Variants in NKAIN3 observed in about 807,000 individuals in gnomAD.
NKAIN3 encodes sodium/potassium-transporting ATPase subunit beta-1-interacting protein 3.
In NKAIN3, 25 loss-of-function variants were observed where a neutral mutation model predicts 30.2. The ratio of observed to expected loss-of-function variants is 0.83; its 90% CI spans 0.60 to 1.16. The LOEUF (loss-of-function observed/expected upper bound fraction) is 1.16, where lower values mean the gene tolerates loss of function less well. NKAIN3 is among the 50% of genes most tolerant of loss of function. NKAIN3 has a pLI of 0.00. For missense variants in NKAIN3, 225 were observed against 254.1 expected, an observed-to-expected ratio of 0.89 and a Z score of 0.78; for synonymous variants, 91 against 89.6, an observed-to-expected ratio of 1.02 and a Z score of -0.09.
intron 4 of NKAIN3, among the ~76,000 whole-genome samples, chr8:62,774,574 T>G (rs1462405268): frequency 1.3e-5 from 2 of 152,196 alleles, no homozygotes; most frequent in Non-Finnish European, 2.9e-5. Flanking sequence ...TGTTGTGATA[T>G]GTTCCTTCTT....
At chr8:62,729,813 G>C (rs1227016684) in intron 3 of NKAIN3, among the ~76,000 whole-genome samples, 1 of 152,170 alleles carries the variant, frequency 6.6e-6, no homozygotes, top group Non-Finnish European at 1.5e-5. Context: ...TAGACATTTA[G>C]ATGGCTTCCA....
rs1355817135 is a variant in NKAIN3, at chr8:62,700,812, G to T, written c.274-46120G>T. 2.0e-5 allele frequency among the ~76,000 whole-genome samples: 3 copies of T among 152,136 alleles called. No individual in the cohort carries two copies. In the East Asian group the frequency reaches 5.8e-4, roughly 29 times the overall value. On this transcript the variant is annotated intron_variant, in intron 3 of 6. Transcript: ENST00000623646. ...ATAGTTTGAAGAAGTTAGACCTTTT[G>T]TTTTATGCAAAATAAATTATCATCA...
chr8:62,308,703 G>A (rs1814333321), intron 1 of NKAIN3, among the ~76,000 whole-genome samples: 1 of 150,472 alleles, frequency 6.6e-6, no homozygotes, highest in South Asian at 2.1e-4. Flanking sequence ...CAAGAGTCAT[G>A]ACATTCAAAG....
Position 62,969,044 on chromosome 8 carries a change from T to C in NKAIN3, c.*3637T>C, listed in dbSNP as rs535426863. ...TTCCACCTACCACATAAAGTGAGGG[T>C]ATGTGTCCCTCAAATGAGAAAAATG... On this transcript the variant is annotated 3_prime_UTR_variant, in exon 7 of 7. Coordinates refer to ENST00000623646, the MANE Select transcript of NKAIN3 (RefSeq NM_001304533.3). Among the ~76,000 whole-genome samples, 34 of 152,286 alleles carry C rather than the reference T, an allele frequency of 2.2e-4. No homozygotes were observed. Among genetic ancestry groups the C allele is most frequent in the African/African-American group, 7.5e-4 (31 of 41,562 alleles).
chr8:62,571,690 G>T (rs1162676020), intron 1 of NKAIN3, among the ~76,000 whole-genome samples: 1 of 152,110 alleles, frequency 6.6e-6, no homozygotes, highest in Non-Finnish European at 1.5e-5. Context: ...TCCAGACAGA[G>T]GTTCCCAAAG....
rs1250725683 is a variant in NKAIN3 at position 62,936,683 on chromosome 8, CT to C, written c.533-17216del. Among the ~76,000 whole-genome samples, 4 of 152,204 alleles carry C rather than the reference CT, an allele frequency of 2.6e-5. No individual in the cohort carries two copies. The South Asian group carries it at 8.3e-4, about 32-fold the overall frequency. On this transcript the variant is annotated intron_variant, in intron 5 of 6. Coordinates refer to ENST00000623646, the MANE Select transcript of NKAIN3 (RefSeq NM_001304533.3). ...TCCATCTTTAATGTCCCTAAACAAA[CT>C]TTAGTAGTTACAATTTTAAACCATT...
chr8:62,429,138 T>C (rs932408965), intron 1 of NKAIN3, among the ~76,000 whole-genome samples: 23 of 151,898 alleles, frequency 1.5e-4, no homozygotes, highest in Admixed American at 1.1e-3. Context: ...TAGCTGGCTG[T>C]AAATGTCTAA....
chr8:62,633,786 G>A (rs1461880839), intron 3 of NKAIN3, among the ~76,000 whole-genome samples: 2 of 152,114 alleles, frequency 1.3e-5, no homozygotes, highest in Non-Finnish European at 2.9e-5. Flanking sequence ...AGAAACCCCT[G>A]AGGCCTTTGC....
chr8:62,997,422 T>G (rs1804142899), intron 5 of NKAIN3, among the ~76,000 whole-genome samples: 1 of 151,808 alleles, frequency 6.6e-6, no homozygotes, highest in Middle Eastern at 3.4e-3. Flanking sequence ...AAATGTTGGG[T>G]TTGTTTTAAT....
intron 4 of NKAIN3, among the ~76,000 whole-genome samples, chr8:62,835,389 A>G (rs770875054): frequency 2.6e-5 from 4 of 152,182 alleles, no homozygotes; most frequent in Admixed American, 6.6e-5. Flanking sequence ...CAGACAACCT[A>G]CAGAGCGGGA....
intron 4 of NKAIN3, 85 bp downstream of exon 4, chr8:62,747,214 C>T (rs1361896767): frequency 2.7e-6 from 2 of 753,546 alleles, no homozygotes; most frequent in African/African-American, 1.7e-5. Context: ...TAGAAAATGC[C>T]ACAGATAAGC....
At chr8:62,563,951 C>T (rs745428725) in intron 1 of NKAIN3, among the ~76,000 whole-genome samples, 1 of 152,102 alleles carries the variant, frequency 6.6e-6, no homozygotes, top group Non-Finnish European at 1.5e-5. Context: ...AGTGCACAAC[C>T]GTCAGGCAAA....
intron 1 of NKAIN3, among the ~76,000 whole-genome samples, chr8:62,432,257 T>C (rs1563396560): frequency 6.6e-6 from 1 of 151,892 alleles, no homozygotes; most frequent in Non-Finnish European, 1.5e-5. Flanking sequence ...CCTGCAGAAG[T>C]GATTTTATTT....
intron 4 of NKAIN3, among the ~76,000 whole-genome samples, chr8:62,826,792 AG>A (rs1819040125): frequency 6.6e-6 from 1 of 152,210 alleles, no homozygotes; most frequent in Non-Finnish European, 1.5e-5. Context: ...CTTGTACTGT[AG>A]CTAGGAAAAC....
At chr8:62,373,522 T>G (rs980804944) in intron 1 of NKAIN3, among the ~76,000 whole-genome samples, 2 of 152,202 alleles carry the variant, frequency 1.3e-5, no homozygotes, top group Non-Finnish European at 2.9e-5. Context: ...CTCTGCCAGT[T>G]TGGAAATTTA....
At chr8:62,337,024 G>T (rs1337463119) in intron 1 of NKAIN3, among the ~76,000 whole-genome samples, 1 of 152,000 alleles carries the variant, frequency 6.6e-6, no homozygotes, top group Non-Finnish European at 1.5e-5. Flanking sequence ...CTAGAGAGTG[G>T]GCTCAGCCCA....
intron 3 of NKAIN3, among the ~76,000 whole-genome samples, chr8:62,606,524 A>C (rs1448307305): frequency 6.6e-6 from 1 of 152,116 alleles, no homozygotes; most frequent in Admixed American, 6.6e-5. Context: ...CTGGAAAAAA[A>C]ATGGCATAAA....
At chr8:62,588,813 G>A (rs963859354) in intron 2 of NKAIN3, among the ~76,000 whole-genome samples, 1 of 151,802 alleles carries the variant, frequency 6.6e-6, no homozygotes, top group Non-Finnish European at 1.5e-5. Flanking sequence ...GCAAACTGTT[G>A]TATTTGATAT....
intron 1 of NKAIN3, among the ~76,000 whole-genome samples, chr8:62,266,010 T>G (rs1298331314): frequency 1.3e-5 from 2 of 152,140 alleles, no homozygotes; most frequent in African/African-American, 2.4e-5. Flanking sequence ...CTCCTTTGCT[T>G]TAAAGGGAAT....
Sources: gnomAD v4.1 joint callset for allele counts (sites outside exome capture counted in the v4.1 genomes callset) on GRCh38, gnomAD v4.1.1 for gene constraint, MANE v1.5 for transcripts, NCBI Gene and HGNC (gene_info 2026-07-23, HGNC 2026-07-21) for gene names.